The following SCML4 variants were observed in gnomAD, a reference collection of about 807,000 sequenced individuals.
SCML4 encodes the protein Scm polycomb group protein like 4, also known as sex comb on midleg-like protein 4.
In SCML4, 34 loss-of-function variants were observed where a neutral mutation model predicts 41.1. The ratio of observed to expected loss-of-function variants is 0.83; its 90% confidence interval spans 0.63 to 1.10. SCML4 has a LOEUF of 1.10. Ranked by LOEUF, SCML4 falls within the 50% of genes least tolerant of loss-of-function variation. The pLI is 0.00. For synonymous variants in SCML4, 214 were observed against 220.9 expected, an observed-to-expected ratio of 0.97 and a Z score of 0.28; for missense variants, 522 against 534.1, an observed-to-expected ratio of 0.98 and a Z score of 0.22.
intron 6 of SCML4, among the ~76,000 whole-genome samples, chr6:107,711,645 T>C (rs1242632321): frequency 1.3e-5 from 2 of 152,354 alleles, no homozygotes; most frequent in East Asian, 1.9e-4. Context: ...TGAATCAATA[T>C]ACTCTGCAGA....
intron 2 of SCML4, among the ~76,000 whole-genome samples, 174 bp from the exon 3 acceptor site, chr6:107,749,987 T>C (rs902143563): frequency 6.8e-6 from 1 of 147,502 alleles, no homozygotes; most frequent in Non-Finnish European, 1.5e-5. Flanking sequence ...GGATTCATAT[T>C]TGGGGTCACA....
At chr6:107,770,431 T>C (rs979067676) in intron 2 of SCML4, among the ~76,000 whole-genome samples, 6 of 152,210 alleles carry the variant, frequency 3.9e-5, no homozygotes, top group African/African-American at 1.4e-4. Flanking sequence ...ACTATTATTC[T>C]AGAACATTAC....
At chr6:107,785,248 T>C (rs1781797087) in intron 1 of SCML4, among the ~76,000 whole-genome samples, 1 of 152,240 alleles carries the variant, frequency 6.6e-6, no homozygotes, top group South Asian at 2.1e-4. Flanking sequence ...GCTCAGTTTC[T>C]CACTTAGACA....
rs1005396768 is a variant in SCML4, at chr6:107,744,767, T to C, written c.682+182A>G. Reference sequence around the variant, plus strand: ...TCCCTCTGCAGCCTGGGGTGGGGACTGTCCAGGCACCCCTTTGTTCCAGCC... The same window carrying C: ...TCCCTCTGCAGCCTGGGGTGGGGACCGTCCAGGCACCCCTTTGTTCCAGCC... On this transcript the variant is annotated intron_variant, in intron 5 of 7. Transcript: ENST00000369020. Among the ~76,000 whole-genome samples, 2 of 152,244 alleles carry C rather than the reference T, an allele frequency of 1.3e-5. 1 individual carries two copies. Among genetic ancestry groups the C allele is most frequent in the South Asian group, 4.1e-4 (2 of 4,832 alleles).
intron 5 of SCML4, among the ~76,000 whole-genome samples, chr6:107,740,742 C>T (rs776333751): frequency 2.0e-5 from 3 of 152,176 alleles, no homozygotes; most frequent in Non-Finnish European, 4.4e-5. Flanking sequence ...TTTGTCCATG[C>T]CCATGCAAGT....
chr6:107,798,000 G>A (rs1264512747), intron 1 of SCML4, among the ~76,000 whole-genome samples: 1 of 151,964 alleles, frequency 6.6e-6, no homozygotes, highest in Non-Finnish European at 1.5e-5. Flanking sequence ...TCCATTTTAT[G>A]AGTTGATGAA....
intron 1 of SCML4, among the ~76,000 whole-genome samples, chr6:107,790,922 T>C (rs1452444405): frequency 6.6e-6 from 1 of 151,824 alleles, no homozygotes; most frequent in Non-Finnish European, 1.5e-5. Flanking sequence ...ATACAAAAAT[T>C]AGCCAGACAT....
intron 3 of SCML4, among the ~76,000 whole-genome samples, chr6:107,748,217 C>T (rs897588326): frequency 6.6e-6 from 1 of 152,140 alleles, no homozygotes; most frequent in Non-Finnish European, 1.5e-5. Flanking sequence ...GTTATATTTT[C>T]TTCCATACAT....
chr6:107,760,971 G>C (rs1385904398), intron 2 of SCML4, among the ~76,000 whole-genome samples: 5 of 152,118 alleles, frequency 3.3e-5, no homozygotes, highest in Admixed American at 3.3e-4. Flanking sequence ...GAAGTAAATG[G>C]ATAGACTTAA....
intron 5 of SCML4, among the ~76,000 whole-genome samples, chr6:107,726,532 CAAAAAAAAA>C (rs59013088): frequency 9.7e-4 from 70 of 72,382 alleles, no homozygotes; most frequent in African/African-American, 4.0e-3. Flanking sequence ...GACTCCATCT[CAAAAAAAAA>C]AAAAAAAAAA....
the SCML4 span, among the ~76,000 whole-genome samples, chr6:107,838,875 A>G: frequency 1.3e-5 from 2 of 152,210 alleles, no homozygotes; most frequent in East Asian, 3.8e-4. Flanking sequence ...TATTGGGAGG[A>G]TGAAGGGAAG....
intron 5 of SCML4, among the ~76,000 whole-genome samples, chr6:107,728,673 T>A (rs934147411): frequency 6.6e-6 from 1 of 152,102 alleles, no homozygotes; most frequent in African/African-American, 2.4e-5. Flanking sequence ...TCAAAGGTAA[T>A]AAAAGCTAAC....
At chr6:107,755,739 T>C in intron 2 of SCML4, 1 of 543,854 alleles carries the variant, frequency 1.8e-6, no homozygotes, top group Non-Finnish European at 2.6e-6. Flanking sequence ...TATAGTGGTT[T>C]CTAACACCAT....
chr6:107,713,254 C>T (rs1774401073), intron 6 of SCML4, among the ~76,000 whole-genome samples: 1 of 152,224 alleles, frequency 6.6e-6, no homozygotes, highest in South Asian at 2.1e-4. Flanking sequence ...TAGCTAACAA[C>T]AGAGTCATGT....
At chr6:107,759,144 A>AG in intron 2 of SCML4, among the ~76,000 whole-genome samples, 1 of 151,012 alleles carries the variant, frequency 6.6e-6, no homozygotes, top group Non-Finnish European at 1.5e-5. Context: ...AAAAAAAAAA[A>AG]AAAAAAAAAA....
chr6:107,755,963 C>A lies in SCML4; in HGVS notation c.157-6150G>T, dbSNP rs75450482. 6.5e-3 allele frequency among the ~76,000 whole-genome samples: 984 copies of A among 151,864 alleles called. 11 individuals carry two copies. Among genetic ancestry groups the A allele is most frequent in the African/African-American group, 0.022 (906 of 41,424 alleles). On this transcript the variant is annotated intron_variant, in intron 2 of 7. Transcript: ENST00000369020. Reference sequence around the variant, plus strand: ...GCCAAATTCGGACCAAGAGGAACAACAAATAAATAATGTAGTAATGGATTA... The same window carrying A: ...GCCAAATTCGGACCAAGAGGAACAAAAAATAAATAATGTAGTAATGGATTA...
intron 1 of SCML4, among the ~76,000 whole-genome samples, chr6:107,773,551 C>T (rs1780679448): frequency 7.6e-6 from 1 of 130,752 alleles, no homozygotes; most frequent in Non-Finnish European, 1.5e-5. Flanking sequence ...GAGATCGCAC[C>T]ACTACATACA....
chr6:107,829,964 C>CT, the SCML4 span, among the ~76,000 whole-genome samples: 4 of 152,284 alleles, frequency 2.6e-5, no homozygotes, highest in East Asian at 7.7e-4. Context: ...CAGCCCCTGC[C>CT]TTAGCCAGTG....
chr6:107,817,796 C>T (rs1368297156), intron 1 of SCML4, among the ~76,000 whole-genome samples: 1 of 151,910 alleles, frequency 6.6e-6, no homozygotes, highest in Non-Finnish European at 1.5e-5. Context: ...TATCATTGGC[C>T]CCCACACATT....
Sources: allele counts gnomAD v4.1 joint callset (sites outside exome capture counted in the v4.1 genomes callset), GRCh38; gene constraint gnomAD v4.1.1; transcripts MANE v1.5; gene names NCBI Gene and HGNC (gene_info 2026-07-23, HGNC 2026-07-21).